Variants in MDGA2 observed in about 807,000 individuals in gnomAD.
The protein encoded by MDGA2 is MAM domain containing glycosylphosphatidylinositol anchor 2.
A neutral mutation model predicts 117.8 loss-of-function variants in MDGA2; 40 were observed. That is an observed-to-expected ratio of 0.34 (90% CI 0.26 to 0.44). The LOEUF (loss-of-function observed/expected upper bound fraction) is 0.44. Among genes scored for constraint, MDGA2 ranks in the 20% least tolerant of loss-of-function variants. The pLI, the probability that MDGA2 is intolerant of heterozygous loss-of-function variation, is 1.00. For missense variants in MDGA2, 1,123 were observed against 1,250.6 expected, an observed-to-expected ratio of 0.90 and a Z score of 1.54; for synonymous variants, 452 against 439.0, an observed-to-expected ratio of 1.03 and a Z score of -0.37.
intron 6 of MDGA2, among the ~76,000 whole-genome samples, chr14:47,089,050 G>T (rs1024966755): frequency 6.6e-6 from 1 of 152,014 alleles, no homozygotes. Context: ...AGAAAACAAT[G>T]TTACTAAGAA....
At chr14:47,095,131 T>C (rs1879887666) in intron 6 of MDGA2, among the ~76,000 whole-genome samples, 1 of 152,030 alleles carries the variant, frequency 6.6e-6, no homozygotes, top group African/African-American at 2.4e-5. Context: ...ATGGTAGTTG[T>C]GCAGTAGAAG....
At chr14:47,082,502 A>C (rs1209073671) in intron 6 of MDGA2, among the ~76,000 whole-genome samples, 2 of 152,134 alleles carry the variant, frequency 1.3e-5, no homozygotes, top group East Asian at 3.9e-4. Flanking sequence ...TGGGGCAAAT[A>C]GCAGACAAAT....
intron 1 of MDGA2, among the ~76,000 whole-genome samples, chr14:47,620,064 C>T (rs970750418): frequency 5.9e-5 from 9 of 152,136 alleles, no homozygotes; most frequent in Non-Finnish European, 8.8e-5. Flanking sequence ...GGCTTAATGC[C>T]GGCATACATT....
intron 1 of MDGA2, among the ~76,000 whole-genome samples, chr14:47,376,103 G>C (rs1891472502): frequency 6.6e-6 from 1 of 152,032 alleles, no homozygotes; most frequent in Non-Finnish European, 1.5e-5. Flanking sequence ...CCTTTAAACA[G>C]AAAACACAAT....
At chr14:47,534,454 G>A (rs1243466143) in intron 1 of MDGA2, among the ~76,000 whole-genome samples, 2 of 152,150 alleles carry the variant, frequency 1.3e-5, no homozygotes, top group Admixed American at 6.5e-5. Flanking sequence ...GATGGCTGAG[G>A]AGGCCTCAGA....
rs374935173 is a variant in MDGA2, at chr14:46,982,734, A to T, written c.1820-25091T>A. 3.3e-3 allele frequency among the ~76,000 whole-genome samples: 434 copies of T among 130,410 alleles called. 9 individuals are homozygous for T. The highest frequency in any genetic ancestry group is 5.8e-3 in the Non-Finnish European group (346 of 59,236). 85.6% of individuals were successfully genotyped at this position (130,410 alleles called of 152,430 possible). On this transcript the variant is annotated intron_variant, in intron 8 of 16. Coordinates refer to ENST00000399232, the MANE Select transcript of MDGA2 (RefSeq NM_001113498.3). ...AAAAAAAAAAAAAAAAAAAAAAAAAAAATCATGTCATCTGCAACCAGGGAC... is the reference window on the plus strand; with the variant it reads ...AAAAAAAAAAAAAAAAAAAAAAAAATAATCATGTCATCTGCAACCAGGGAC...
chr14:47,394,955 CA>C (rs1291550585), intron 1 of MDGA2, among the ~76,000 whole-genome samples: 2 of 152,100 alleles, frequency 1.3e-5, no homozygotes, highest in African/African-American at 4.8e-5. Flanking sequence ...GAGTTCAAGA[CA>C]ACTTGGTCAA....
chr14:47,540,067 C>CGG (rs984362307), intron 1 of MDGA2, among the ~76,000 whole-genome samples: 1 of 152,080 alleles, frequency 6.6e-6, no homozygotes, highest in Non-Finnish European at 1.5e-5. Context: ...GGCTGGAGTG[C>CGG]GGTGGCACGA....
rs556913990 is a variant in MDGA2 at position 46,957,548 on chromosome 14, G to T, written c.1915C>A (p.Arg639=). The T allele has an allele frequency of 3.7e-6, 6 of 1,614,150 alleles. No homozygotes were observed. The Admixed American group carries it at 5.0e-5, about 13-fold the overall frequency. The change falls in exon 9 of 17, where the codon CGG becomes AGG. Residue 639 remains arginine (R), a synonymous_variant. Transcript: ENST00000399232. ...SCRVLRAYPI[R]VLTYEWRLGN... The stretch of plus-strand genomic sequence containing the variant: ...AAGCGCCACTCATAGGTCAGCACCC[G>T]TATTGGATAGGCTCTCAGTACTCTG...
chr14:47,501,411 G>C (rs1318932198), intron 1 of MDGA2, among the ~76,000 whole-genome samples: 1 of 152,070 alleles, frequency 6.6e-6, no homozygotes, highest in Non-Finnish European at 1.5e-5. Context: ...AGCAAATCAA[G>C]GAAACCTGAA....
At chr14:47,658,513 C>T (rs998136632) in intron 1 of MDGA2, among the ~76,000 whole-genome samples, 4 of 152,084 alleles carry the variant, frequency 2.6e-5, no homozygotes, top group Admixed American at 1.3e-4. Flanking sequence ...GGCTGGCTGA[C>T]GTTTGTCCTG....
chr14:47,075,616 GT>G (rs1379030571), intron 6 of MDGA2, among the ~76,000 whole-genome samples: 1 of 152,152 alleles, frequency 6.6e-6, no homozygotes, highest in Non-Finnish European at 1.5e-5. Context: ...TCACTGAAGT[GT>G]TTTGTGTAAA....
intron 1 of MDGA2, among the ~76,000 whole-genome samples, chr14:47,588,381 G>T (rs187614110): frequency 1.3e-4 from 20 of 151,414 alleles, no homozygotes; most frequent in Admixed American, 1.1e-3. Flanking sequence ...TACCAACAAT[G>T]TATGAGGGTA....
intron 1 of MDGA2, among the ~76,000 whole-genome samples, chr14:47,351,420 C>G (rs1157356870): frequency 6.6e-6 from 1 of 152,112 alleles, no homozygotes; most frequent in South Asian, 2.1e-4. Flanking sequence ...ACCAAACTGA[C>G]AGCTGCCAAA....
chr14:47,189,750 C>A (rs957967022), intron 3 of MDGA2, among the ~76,000 whole-genome samples: 1 of 152,054 alleles, frequency 6.6e-6, no homozygotes, highest in African/African-American at 2.4e-5. Flanking sequence ...ACAGACAGAA[C>A]TTAGATACAT....
At chr14:46,862,634 G>T (rs1008706161) in intron 14 of MDGA2, among the ~76,000 whole-genome samples, 1 of 151,710 alleles carries the variant, frequency 6.6e-6, no homozygotes, top group African/African-American at 2.4e-5. Context: ...TTGCAATTTG[G>T]TATATTCTGA....
intron 1 of MDGA2, among the ~76,000 whole-genome samples, chr14:47,546,803 T>C (rs1027211569): frequency 2.0e-5 from 3 of 152,198 alleles, no homozygotes; most frequent in Non-Finnish European, 4.4e-5. Flanking sequence ...CTCTAGCTCC[T>C]GGGTTATTCC....
At chr14:47,286,463 T>C (rs942147732) in intron 2 of MDGA2, among the ~76,000 whole-genome samples, 1 of 152,176 alleles carries the variant, frequency 6.6e-6, no homozygotes, top group South Asian at 2.1e-4. Flanking sequence ...TCTTACATGT[T>C]AGTGAGAACA....
chr14:46,881,972 A>T (rs759805645), intron 11 of MDGA2, 72 bp downstream of exon 11: 123 of 1,015,614 alleles, frequency 1.2e-4, no homozygotes, highest in Non-Finnish European at 1.6e-4. Context: ...TAAATTTGGT[A>T]GATAGCAGCA....
Sources: allele counts gnomAD v4.1 joint callset (sites outside exome capture counted in the v4.1 genomes callset), GRCh38; gene constraint gnomAD v4.1.1; transcripts MANE v1.5; gene names NCBI Gene and HGNC (gene_info 2026-07-23, HGNC 2026-07-21).